FHIP1A: variants seen among roughly 807,000 people sequenced by gnomAD.
FHIP1A encodes the protein FHF complex subunit HOOK interacting protein 1A, also known as FHF complex subunit HOOK-interacting protein 1A.
In FHIP1A, 61 loss-of-function variants were observed where a neutral mutation model predicts 88.6. The observed-to-expected ratio is 0.69, with a 90% CI of 0.56 to 0.85. FHIP1A has a LOEUF of 0.85. Ranked by LOEUF, FHIP1A falls within the 40% of genes least tolerant of loss-of-function variation. FHIP1A has a pLI of 0.00. For missense variants in FHIP1A, 1,154 were observed against 1,273.5 expected (o/e 0.91, Z 1.43); for synonymous variants, 478 against 496.0 (o/e 0.96, Z 0.48).
At chr4:151,416,575 CT>C (rs1386101234) in intron 1 of FHIP1A, among the ~76,000 whole-genome samples, 6 of 152,006 alleles carry the variant, frequency 3.9e-5, no homozygotes, top group Admixed American at 2.0e-4. Flanking sequence ...AAAGTATGAT[CT>C]TCTTCAGGTC....
intron 3 of FHIP1A, among the ~76,000 whole-genome samples, chr4:151,502,157 G>GAAAAAAAAA (rs370065238): frequency 2.6e-5 from 3 of 114,160 alleles, no homozygotes; most frequent in South Asian, 3.1e-4. Context: ...CTCTACAAAA[G>GAAAAAAAAA]AAAAAAAAAA....
At position 151,567,403 on chromosome 4, in the gene FHIP1A, G is replaced by A. The variant is rs925681774; in HGVS notation, c.105+1039G>A. ...GCAAAATCAATTCTGCTTCTGAGCCGTTTATACTTTGTAGCTTCTTGTTAC... is the reference window on the plus strand; with the variant it reads ...GCAAAATCAATTCTGCTTCTGAGCCATTTATACTTTGTAGCTTCTTGTTAC... On this transcript the variant is annotated intron_variant, in intron 4 of 13. Transcript: ENST00000435205. 9.2e-5 allele frequency among the ~76,000 whole-genome samples: 14 copies of A among 151,932 alleles called. No homozygotes were observed. The East Asian group carries it at 2.1e-3, about 23-fold the overall frequency.
chr4:151,556,945 A>G (rs185817105), intron 3 of FHIP1A, among the ~76,000 whole-genome samples: 10 of 152,236 alleles, frequency 6.6e-5, no homozygotes, highest in Admixed American at 5.9e-4. Context: ...AATGAGAAAA[A>G]AAAAATGTGT....
chr4:151,488,324 C>T (rs999289173), intron 3 of FHIP1A, among the ~76,000 whole-genome samples: 2 of 152,154 alleles, frequency 1.3e-5, no homozygotes, highest in African/African-American at 4.8e-5. Flanking sequence ...TTTCCCCCCT[C>T]ACTCTCTCTC....
At position 151,464,443 on chromosome 4, in the gene FHIP1A, A is replaced by C. The variant is rs192210897; in HGVS notation, c.-248+9635A>C. On this transcript the variant is annotated intron_variant, in intron 2 of 13. Transcript: ENST00000435205. ...CCATCATTTCTCCACTCTCCACCCA[A>C]CCCAACCTTCAAGGTATCTGGGGGC... Among the ~76,000 whole-genome samples the C allele has an allele frequency of 5.6e-3, 851 of 152,304 alleles. 7 individuals are homozygous for C. Among genetic ancestry groups the C allele is most frequent in the African/African-American group, 0.019 (776 of 41,564 alleles).
At chr4:151,537,444 C>G (rs1229149597) in intron 3 of FHIP1A, among the ~76,000 whole-genome samples, 1 of 151,902 alleles carries the variant, frequency 6.6e-6, no homozygotes, top group African/African-American at 2.4e-5. Context: ...GTCTTTTGCC[C>G]CTTTTCTAAT....
At chr4:151,557,669 C>T (rs956963357) in intron 3 of FHIP1A, among the ~76,000 whole-genome samples, 3 of 152,184 alleles carry the variant, frequency 2.0e-5, no homozygotes, top group Admixed American at 6.5e-5. Context: ...GGAGGGGTGG[C>T]GGCCATCCAG....
chr4:151,475,036 G>A (rs890121409), intron 2 of FHIP1A, among the ~76,000 whole-genome samples: 5 of 152,096 alleles, frequency 3.3e-5, no homozygotes, highest in Admixed American at 2.6e-4. Flanking sequence ...AATGGTTAAG[G>A]GTCAGGAATT....
At chr4:151,610,345 C>T (rs1735275215) in intron 7 of FHIP1A, among the ~76,000 whole-genome samples, 1 of 152,210 alleles carries the variant, frequency 6.6e-6, no homozygotes, top group South Asian at 2.1e-4. Flanking sequence ...GTTCCCACTC[C>T]ATGCCACCCC....
intron 4 of FHIP1A, among the ~76,000 whole-genome samples, chr4:151,568,584 C>T (rs1281253228): frequency 1.3e-5 from 2 of 152,142 alleles, no homozygotes; most frequent in African/African-American, 4.8e-5. Flanking sequence ...CCAGGCATGT[C>T]GCTGTAGGCA....
intron 4 of FHIP1A, among the ~76,000 whole-genome samples, chr4:151,568,683 T>C (rs1157125792): frequency 1.3e-5 from 2 of 152,124 alleles, no homozygotes; most frequent in Non-Finnish European, 2.9e-5. Context: ...AGATACATTA[T>C]TACAAAATGA....
Position 151,664,191 on chromosome 4 carries a change from A to C in FHIP1A, c.*1437A>C, listed in dbSNP as rs1416329700. 1.3e-5 allele frequency among the ~76,000 whole-genome samples: 2 copies of C among 152,138 alleles called. No individual in the cohort carries two copies. The highest frequency in any genetic ancestry group is 2.9e-5 in the Non-Finnish European group (2 of 68,012). ...TTGTCTCTCTCTGTTCTTTGTGGGC[A>C]TCTCTGTGGAGCCCTGAGGGCAGCC... On this transcript the variant is annotated 3_prime_UTR_variant, in exon 14 of 14. Transcript: ENST00000435205.
At chr4:151,563,849 C>T (rs1426602664) in intron 3 of FHIP1A, among the ~76,000 whole-genome samples, 3 of 151,818 alleles carry the variant, frequency 2.0e-5, no homozygotes, top group African/African-American at 7.3e-5. Context: ...AAAAATTGGA[C>T]AGGTGTGGTG....
chr4:151,466,392 A>G (rs1314442117), intron 2 of FHIP1A, among the ~76,000 whole-genome samples: 3 of 152,212 alleles, frequency 2.0e-5, no homozygotes, highest in Non-Finnish European at 4.4e-5. Flanking sequence ...ATATCATGAA[A>G]ATGACCATAC....
chr4:151,487,078 A>T (rs1056525168), intron 3 of FHIP1A, among the ~76,000 whole-genome samples: 3 of 152,040 alleles, frequency 2.0e-5, no homozygotes, highest in Admixed American at 6.6e-5. Flanking sequence ...AGATTTCATT[A>T]TGCAGTTCTT....
At chr4:151,575,937 C>T (rs1733772098) in intron 4 of FHIP1A, among the ~76,000 whole-genome samples, 1 of 152,106 alleles carries the variant, frequency 6.6e-6, no homozygotes, top group Non-Finnish European at 1.5e-5. Context: ...GAGGGTACTG[C>T]AAAAGACACA....
chr4:151,479,381 C>T (rs923453653), intron 2 of FHIP1A, among the ~76,000 whole-genome samples: 1 of 152,024 alleles, frequency 6.6e-6, no homozygotes, highest in African/African-American at 2.4e-5. Flanking sequence ...TTATTATTAA[C>T]GTGCTTAATG....
intron 5 of FHIP1A, among the ~76,000 whole-genome samples, chr4:151,586,333 G>A (rs974360740): frequency 1.3e-5 from 2 of 151,984 alleles, no homozygotes; most frequent in African/African-American, 2.4e-5. Flanking sequence ...ATTCATCTTT[G>A]CGTGTACTCC....
rs529165475 is a variant in FHIP1A, at chr4:151,656,099, T to C, written c.2552-133T>C. On this transcript the variant is annotated intron_variant, in intron 11 of 13. Transcript: ENST00000435205. The surrounding 1 kb of genome is among the most constrained non-coding windows in gnomAD (Gnocchi z 4.2). ...TTTGAGGCAGGAGAAAACGTGGCCATATTTGCTGTGTCTGGCTTGCACCTG... is the reference window on the plus strand; with the variant it reads ...TTTGAGGCAGGAGAAAACGTGGCCACATTTGCTGTGTCTGGCTTGCACCTG... 1.1e-4 allele frequency: 67 copies of C among 630,366 alleles called. No individual in the cohort carries two copies. The African/African-American group carries it at 1.1e-3, about 11-fold the overall frequency. The allele number at this position is 630,366 out of a possible 1,614,324, so 39.0% of individuals were successfully genotyped here. A position where few individuals can be genotyped will look rare whatever the true frequency, so the allele number is the denominator to read the frequency against.
Sources: gnomAD v4.1 joint callset for allele counts (sites outside exome capture counted in the v4.1 genomes callset) on GRCh38, gnomAD v4.1.1 for gene constraint, Gnocchi (gnomAD v3.1) non-coding constraint, MANE v1.5 for transcripts, NCBI Gene and HGNC (gene_info 2026-07-23, HGNC 2026-07-21) for gene names.